GPX1: variants seen among roughly 807,000 people sequenced by gnomAD.
GPX1 encodes the protein glutathione peroxidase 1.
A neutral mutation model predicts 11.5 loss-of-function variants in GPX1; 8 were observed. The ratio of observed to expected loss-of-function variants is 0.70; its 90% CI spans 0.41 to 1.25. The LOEUF is 1.25. GPX1 is among the 50% of genes most tolerant of loss of function. GPX1 has a pLI of 0.01. For missense variants in GPX1, 266 were observed against 284.3 expected (o/e 0.94, Z 0.46); for synonymous variants, 142 against 127.8 (o/e 1.11, Z -0.75).
In GPX1 at chr3:49,358,120, G is replaced by A. The variant is rs760320095; in HGVS notation, c.159C>T (p.Val53=). 3.7e-6 allele frequency: 6 copies of A among 1,610,662 alleles called. No homozygotes were observed. The South Asian group carries it at 4.4e-5, about 12-fold the overall frequency. Residue 53 remains valine, a synonymous_variant, in exon 1 of 2, where the codon GTC becomes GTT. Coordinates refer to ENST00000419783, the MANE Select transcript of GPX1 (RefSeq NM_000581.4). ...GCTCGTTCATCTGGGTGTAGTCCCGGACCGTGGTGCCTCAGAGGGACGCCA... is the reference window on the plus strand; with the variant it reads ...GCTCGTTCATCTGGGTGTAGTCCCGAACCGTGGTGCCTCAGAGGGACGCCA... ...ENVASLUGTT[V]RDYTQMNELQ...
In GPX1 at chr3:49,358,337, A is replaced by C. The variant is rs1349068934; in HGVS notation, c.-59T>G. 3 of 1,468,706 alleles carry C rather than the reference A, an allele frequency of 2.0e-6. No individual in the cohort carries two copies. Among genetic ancestry groups the C allele is most frequent in the African/African-American group, 1.4e-5 (1 of 70,144 alleles). The allele number at this position is 1,468,706 out of a possible 1,614,324, so 91.0% of individuals were successfully genotyped here. ...CGAACAAGCACTGTAAGGGGAGGCCAGCAGGCGCCTCCTTTTAACTGGCCG... is the reference window on the plus strand; with the variant it reads ...CGAACAAGCACTGTAAGGGGAGGCCCGCAGGCGCCTCCTTTTAACTGGCCG... On this transcript the variant is annotated 5_prime_UTR_variant, in exon 1 of 2. Coordinates refer to ENST00000419783, the MANE Select transcript of GPX1 (RefSeq NM_000581.4).
In GPX1 at chr3:49,357,221, T is replaced by C. The variant is rs762272622; in HGVS notation, c.*167A>G. Reference sequence around the variant, plus strand: ...TTATTAGTGGGGAAACTCGCCTTGGTCTGGCAGAGACTGGGATCAACAGGA... The same window carrying C: ...TTATTAGTGGGGAAACTCGCCTTGGCCTGGCAGAGACTGGGATCAACAGGA... On this transcript the variant is annotated 3_prime_UTR_variant, in exon 2 of 2. Coordinates refer to ENST00000419783, the MANE Select transcript of GPX1 (RefSeq NM_000581.4). 1.5e-6 allele frequency: 1 copy of C among 660,928 alleles called. No individual in the cohort carries two copies. Among genetic ancestry groups the C allele is most frequent in the Non-Finnish European group, 2.6e-6 (1 of 388,990 alleles). 40.9% of individuals were successfully genotyped at this position (660,928 alleles called of 1,614,324 possible).
Position 49,357,275 on chromosome 3 carries a change from TG to T in GPX1, c.*112del. The T allele has an allele frequency of 2.8e-6, 3 of 1,055,104 alleles. 1 individual carries two copies. The South Asian group carries it at 4.7e-5, about 16-fold the overall frequency. The allele number at this position is 1,055,104 out of a possible 1,614,324, so 65.4% of individuals were successfully genotyped here. A position where few individuals can be genotyped will look rare whatever the true frequency, so the allele number is the denominator to read the frequency against. On this transcript the variant is annotated 3_prime_UTR_variant, in exon 2 of 2. Transcript: ENST00000419783. ...GCACCCATCTCGAGGTGGTATTTTCTGTAAGATCAGGTGTTCCTCCCTCGTA... is the reference window on the plus strand; with the variant it reads ...GCACCCATCTCGAGGTGGTATTTTCTTAAGATCAGGTGTTCCTCCCTCGTA...
rs531711260 is a variant in GPX1 at position 49,357,351 on chromosome 3, A to C, written c.*37T>G. 31 of 1,579,072 alleles carry C rather than the reference A, an allele frequency of 2.0e-5. No individual in the cohort carries two copies. In the South Asian group the frequency reaches 3.2e-4, roughly 16 times the overall value. On this transcript the variant is annotated 3_prime_UTR_variant, in exon 2 of 2. Coordinates refer to ENST00000419783, the MANE Select transcript of GPX1 (RefSeq NM_000581.4). The stretch of plus-strand genomic sequence containing the variant: ...ATGAAAACCCCCCCGAGACAGCAGC[A>C]CTGCAACTGCCAAGCAGCCGGGGTA...
rs768797971 is a variant in GPX1, at chr3:49,357,354, G to A, written c.*34C>T. Reference sequence around the variant, plus strand: ...AAAACCCCCCCGAGACAGCAGCACTGCAACTGCCAAGCAGCCGGGGTAGGA... The same window carrying A: ...AAAACCCCCCCGAGACAGCAGCACTACAACTGCCAAGCAGCCGGGGTAGGA... On this transcript the variant is annotated 3_prime_UTR_variant, in exon 2 of 2. Transcript: ENST00000419783. 3 of 1,582,436 alleles carry A rather than the reference G, an allele frequency of 1.9e-6. No individual in the cohort carries two copies. The highest frequency in any genetic ancestry group is 2.6e-6 in the Non-Finnish European group (3 of 1,157,516).
rs2047867670 is a variant in GPX1, at chr3:49,357,736, C to T, written c.264G>A (p.Lys88=). The T allele has an allele frequency of 6.2e-7, 1 of 1,605,492 alleles. No homozygotes were observed. The highest frequency in any genetic ancestry group is 8.5e-7 in the Non-Finnish European group (1 of 1,173,680). ...CNQFGHQENA[K]NEEILNSLKY... ...TGAGGGAATTCAGAATCTCTTCGTT[C>T]TTGGCGTTCTCCTACAGGAGAGAAG... Residue 88 remains lysine (K), a synonymous_variant, in exon 2 of 2, where the codon AAG becomes AAA. Transcript: ENST00000419783.
chr3:49,357,970 C>CCCCACCA, intron 1 of GPX1, 57 bp downstream of exon 1: 1 of 1,542,798 alleles, frequency 6.5e-7, no homozygotes, highest in Non-Finnish European at 8.7e-7. Context: ...ACACCGCCGG[C>CCCCACCA]GCCCCCAGCC....
In GPX1 at chr3:49,357,991, G is replaced by A. The variant is rs755698525; in HGVS notation, c.252+36C>T. On this transcript the variant is annotated intron_variant, in intron 1 of 1. Coordinates refer to ENST00000419783, the MANE Select transcript of GPX1 (RefSeq NM_000581.4). ...CCGGCGCCCCCAGCCACTACTGCAC[G>A]TCCGCCCCCGCCCCGCCCCGCTCCG... The A allele has an allele frequency of 2.5e-6, 4 of 1,578,772 alleles. 1 individual carries two copies. Among genetic ancestry groups the A allele is most frequent in the Admixed American group, 3.6e-5 (2 of 55,954 alleles).
chr3:49,358,353 T>G lies in GPX1; in HGVS notation c.-75A>C. 1 of 1,445,784 alleles carries G rather than the reference T, an allele frequency of 6.9e-7. No homozygotes were observed. The highest frequency in any genetic ancestry group is 9.2e-7 in the Non-Finnish European group (1 of 1,092,446). The allele number at this position is 1,445,784 out of a possible 1,614,324, so 89.6% of individuals were successfully genotyped here. ...GGGGAGGCCAGCAGGCGCCTCCTTT[T>G]AACTGGCCGGCGGCGGGTCACGTGG... On this transcript the variant is annotated 5_prime_UTR_variant, in exon 1 of 2. Transcript: ENST00000419783.
intron 1 of GPX1, 21 bp downstream of exon 1, chr3:49,357,996 CCCCCGCCCCG>C (rs778886722): frequency 3.8e-6 from 6 of 1,589,700 alleles, no homozygotes; most frequent in African/African-American, 2.7e-5. Context: ...TGCACGTCCG[CCCCCGCCCCG>C]CCCCGCTCCG....
chr3:49,357,948 G>A (rs1340883163), intron 1 of GPX1, 79 bp downstream of exon 1: 9 of 1,517,116 alleles, frequency 5.9e-6, no homozygotes, highest in Middle Eastern at 2.0e-4. Flanking sequence ...GGAGCCGACG[G>A]CACCCACCAG....
intron 1 of GPX1, 101 bp downstream of exon 1, chr3:49,357,926 C>T: frequency 6.7e-7 from 1 of 1,500,872 alleles, no homozygotes; most frequent in South Asian, 1.3e-5. Flanking sequence ...AGTAGCCAGA[C>T]TCTCCGCGCA....
chr3:49,357,302 G>GAA lies in GPX1; in HGVS notation c.*85_*86insTT, dbSNP rs1382315517. ...TAAGATCAGGTGTTCCTCCCTCGTA[G>GAA]GTTTAGAGGAAACACCCTCATAGAT... On this transcript the variant is annotated 3_prime_UTR_variant, in exon 2 of 2. Transcript: ENST00000419783. 4 of 1,295,748 alleles carry GAA rather than the reference G, an allele frequency of 3.1e-6. No individual in the cohort carries two copies. The highest frequency in any genetic ancestry group is 4.3e-6 in the Non-Finnish European group (4 of 924,488). The allele number at this position is 1,295,748 out of a possible 1,614,324, so 80.3% of individuals were successfully genotyped here.
Position 49,357,641 on chromosome 3 carries a change from G to A in GPX1, c.359C>T (p.Ala120Val), listed in dbSNP as rs2047865220. The change falls in exon 2 of 2, where the codon GCG (alanine) becomes GTG (valine). Residue 120 changes from alanine to valine, a missense_variant. By Grantham distance (64) the Ala-to-Val change is moderately conservative (BLOSUM62 0). Coordinates refer to ENST00000419783, the MANE Select transcript of GPX1 (RefSeq NM_000581.4). ...MLFEKCEVNG[A>V]GAHPLFAFLR... ...GAAGGCGAAGAGAGGGTGCGCCCCC[G>A]CACCGTTCACCTCGCACTTCTCGAA... 1 of 1,613,622 alleles carries A rather than the reference G, an allele frequency of 6.2e-7. No individual in the cohort carries two copies. The highest frequency in any genetic ancestry group is 8.5e-7 in the Non-Finnish European group (1 of 1,179,986).
In GPX1 at chr3:49,358,227, C is replaced by T. The variant is rs762298249; in HGVS notation, c.52G>A (p.Ala18Thr). 1.5e-5 allele frequency: 23 copies of T among 1,520,642 alleles called. No homozygotes were observed. The Admixed American group carries it at 2.8e-4, about 19-fold the overall frequency. The allele number at this position is 1,520,642 out of a possible 1,614,324, so 94.2% of individuals were successfully genotyped here. The stretch of plus-strand genomic sequence containing the variant: ...CCGGCCAGCGGGCGCGCCGAGAAGG[C>T]ATACACCGACTGGGCCGCCGCCGCC... The part of the protein sequence containing the change: ...AAAAAAQSVY[A>T]FSARPLAGGE... Residue 18 changes from alanine to threonine, a missense_variant, in exon 1 of 2, where the codon GCC becomes ACC. By Grantham distance (58) the Ala-to-Thr change is moderately conservative. Coordinates refer to ENST00000419783, the MANE Select transcript of GPX1 (RefSeq NM_000581.4).
At chr3:49,358,000 C>A in intron 1 of GPX1, 27 bp downstream of exon 1, 1 of 1,594,320 alleles carries the variant, frequency 6.3e-7, no homozygotes, top group Non-Finnish European at 8.5e-7. Context: ...CGTCCGCCCC[C>A]GCCCCGCCCC....
Position 49,357,493 on chromosome 3 carries a change from C to T in GPX1, c.507G>A (p.Val169=). 1 of 1,613,700 alleles carries T rather than the reference C, an allele frequency of 6.2e-7. No homozygotes were observed. The highest frequency in any genetic ancestry group is 2.2e-5 in the East Asian group (1 of 44,870). The change falls in exon 2 of 2, where the codon GTG becomes GTA. Residue 169 remains valine (V), a synonymous_variant. Coordinates refer to ENST00000419783, the MANE Select transcript of GPX1 (RefSeq NM_000581.4). ...DVAWNFEKFL[V]GPDGVPLRRY... ...TGCGTAGGGGCACACCGTCAGGGCC[C>T]ACCAGGAACTTCTCAAAGTTCCAGG...
In GPX1 at chr3:49,357,224, G is replaced by A; in HGVS notation, c.*164C>T. The A allele has an allele frequency of 2.9e-6, 2 of 683,304 alleles. No homozygotes were observed. Among genetic ancestry groups the A allele is most frequent in the Non-Finnish European group, 4.9e-6 (2 of 406,432 alleles). 42.3% of individuals were successfully genotyped at this position (683,304 alleles called of 1,614,324 possible). A position where few individuals can be genotyped will look rare whatever the true frequency, so the allele number is the denominator to read the frequency against. On this transcript the variant is annotated 3_prime_UTR_variant, in exon 2 of 2. Transcript: ENST00000419783. The stretch of plus-strand genomic sequence containing the variant: ...TTAGTGGGGAAACTCGCCTTGGTCT[G>A]GCAGAGACTGGGATCAACAGGACCA...
Position 49,357,236 on chromosome 3 carries a change from G to T in GPX1, c.*152C>A. ...CTCGCCTTGGTCTGGCAGAGACTGG[G>T]ATCAACAGGACCAGCACCCATCTCG... On this transcript the variant is annotated 3_prime_UTR_variant, in exon 2 of 2. Coordinates refer to ENST00000419783, the MANE Select transcript of GPX1 (RefSeq NM_000581.4). 1 of 744,140 alleles carries T rather than the reference G, an allele frequency of 1.3e-6. No homozygotes were observed. Among genetic ancestry groups the T allele is most frequent in the Non-Finnish European group, 2.2e-6 (1 of 459,670 alleles). 46.1% of individuals were successfully genotyped at this position (744,140 alleles called of 1,614,324 possible). A position where few individuals can be genotyped will look rare whatever the true frequency, so the allele number is the denominator to read the frequency against.
Sources: allele counts gnomAD v4.1 joint callset, GRCh38; gene constraint gnomAD v4.1.1; transcripts MANE v1.5; gene names NCBI Gene and HGNC (gene_info 2026-07-23, HGNC 2026-07-21).